Variants in TNRC6C observed in about 807,000 individuals in gnomAD.
TNRC6C encodes the protein trinucleotide repeat containing adaptor 6C, also known as trinucleotide repeat-containing gene 6C protein.
Under a neutral mutation model 153.7 loss-of-function variants are expected in TNRC6C, and 20 were observed. The observed-to-expected ratio is 0.13, with a 90% CI of 0.09 to 0.19. TNRC6C has a LOEUF of 0.19. TNRC6C is among the 10% of genes least tolerant of loss of function. TNRC6C has a pLI of 1.00. For missense variants in TNRC6C, 1,987 were observed against 2,172.0 expected, an observed-to-expected ratio of 0.91 and a Z score of 1.69; for synonymous variants, 811 against 841.4, an observed-to-expected ratio of 0.96 and a Z score of 0.63.
Position 78,061,961 on chromosome 17 carries a change from C to T in TNRC6C, c.2396-2761C>T, listed in dbSNP as rs1169297642. 2.6e-5 allele frequency among the ~76,000 whole-genome samples: 4 copies of T among 152,094 alleles called. No homozygotes were observed. In the East Asian group the frequency reaches 5.8e-4, roughly 22 times the overall value. On this transcript the variant is annotated intron_variant, in intron 3 of 19. Transcript: ENST00000301624. ...ATTGCCTTCTCAAAGAGATGGAGGT[C>T]TAGAGATGATAAACAAATTCTAGGT...
chr17:78,081,872 C>G (rs551546608), intron 10 of TNRC6C, among the ~76,000 whole-genome samples: 4 of 152,280 alleles, frequency 2.6e-5, no homozygotes, highest in Admixed American at 6.5e-5. Flanking sequence ...CCTGTGAGTA[C>G]TGATAGGAAG....
chr17:78,078,451 G>A (rs1253549914), intron 9 of TNRC6C, among the ~76,000 whole-genome samples: 2 of 152,140 alleles, frequency 1.3e-5, no homozygotes, highest in Non-Finnish European at 2.9e-5. Context: ...TCCATTTCAA[G>A]GTTTGTTGAA....
At chr17:78,100,614 T>A (rs2073573301) in intron 17 of TNRC6C, among the ~76,000 whole-genome samples, 1 of 152,172 alleles carries the variant, frequency 6.6e-6, no homozygotes, top group Admixed American at 6.5e-5. Context: ...TGTAGGCCTC[T>A]GGGCCTGTGA....
At chr17:78,018,963 T>C (rs1240641448) in intron 1 of TNRC6C, among the ~76,000 whole-genome samples, 3 of 152,208 alleles carry the variant, frequency 2.0e-5, no homozygotes, top group East Asian at 3.8e-4. Context: ...CAGGTGCTTA[T>C]GCTAGTGTTA....
chr17:78,065,074 C>A, intron 4 of TNRC6C, 137 bp downstream of exon 6: 2 of 989,866 alleles, frequency 2.0e-6, no homozygotes, highest in Non-Finnish European at 3.0e-6. Flanking sequence ...CTTGGCCAAG[C>A]ACAGTGCCTC....
chr17:78,031,936 C>G, intron 2 of TNRC6C, 94 bp downstream of exon 4: 1 of 1,103,730 alleles, frequency 9.1e-7, no homozygotes, highest in Non-Finnish European at 1.1e-6. Context: ...ATATTTTGGT[C>G]CATACTCACA....
chr17:78,046,772 C>CT (rs2072420418), intron 2 of TNRC6C, among the ~76,000 whole-genome samples: 1 of 152,172 alleles, frequency 6.6e-6, no homozygotes, highest in African/African-American at 2.4e-5. Context: ...AAGGGATCTA[C>CT]TTTCATTTCA....
chr17:77,981,665 A>G (rs2071079409), intron 1 of TNRC6C, among the ~76,000 whole-genome samples: 1 of 152,260 alleles, frequency 6.6e-6, no homozygotes, highest in African/African-American at 2.4e-5. Context: ...TGGTGAGAGA[A>G]TCACATCATA....
At chr17:77,984,093 T>A (rs1308428309) in intron 1 of TNRC6C, among the ~76,000 whole-genome samples, 1 of 152,128 alleles carries the variant, frequency 6.6e-6, no homozygotes, top group Non-Finnish European at 1.5e-5. Flanking sequence ...TTTATGTAAA[T>A]CCACATCCAT....
chr17:78,011,308 C>T (rs2071625455), intron 1 of TNRC6C, among the ~76,000 whole-genome samples: 1 of 152,168 alleles, frequency 6.6e-6, no homozygotes, highest in Non-Finnish European at 1.5e-5. Flanking sequence ...TGAAGGTGTC[C>T]TTGTGACCTT....
intron 1 of TNRC6C, among the ~76,000 whole-genome samples, chr17:77,971,321 A>G (rs1447063807): frequency 1.3e-5 from 2 of 152,230 alleles, no homozygotes; most frequent in African/African-American, 4.8e-5. Context: ...AATAGCTAAC[A>G]TGAAACCAGT....
upstream of TNRC6C, chr17:78,004,008 G>A (rs2071455227): frequency 1.5e-6 from 1 of 658,308 alleles, no homozygotes; most frequent in Non-Finnish European, 1.9e-6. Context: ...AGGGCAACCT[G>A]CAGTGCTGTT....
chr17:77,970,200 C>G (rs9893589), intron 1 of TNRC6C, among the ~76,000 whole-genome samples: 1,745 of 152,324 alleles, frequency 0.011, 39 homozygotes, highest in African/African-American at 0.039. Flanking sequence ...CATTATTTGG[C>G]TTTCCAGTTG....
At chr17:78,091,576 T>G in exon 14 of TNRC6C, 1 of 1,582,744 alleles carries the variant, frequency 6.3e-7, no homozygotes, top group South Asian at 1.2e-5. Context: ...CCAGTGCCGC[T>G]TCCCCCCTGG....
Position 78,018,129 on chromosome 17 carries a change from G to GT in TNRC6C, c.-546+13057dup, listed in dbSNP as rs370486959. Among the ~76,000 whole-genome samples, 648 of 152,046 alleles carry GT rather than the reference G, an allele frequency of 4.3e-3. 6 individuals carry two copies. The highest frequency in any genetic ancestry group is 0.014 in the African/African-American group (590 of 41,472). On this transcript the variant is annotated intron_variant, in intron 1 of 19. Coordinates refer to ENST00000301624, the Ensembl canonical transcript of TNRC6C. The stretch of plus-strand genomic sequence containing the variant: ...GTTTTTGGTTTTTGGTTTTTGTTTT[G>GT]TTTTTTTGGTTTTTTTGAGATGGAG...
intron 1 of TNRC6C, among the ~76,000 whole-genome samples, chr17:78,013,790 C>A (rs908148338): frequency 1.3e-5 from 2 of 152,110 alleles, no homozygotes; most frequent in African/African-American, 4.8e-5. Flanking sequence ...CTGTAAAGAG[C>A]CTGTGGCCGT....
chr17:78,049,123 A>G lies in TNRC6C; in HGVS notation c.61A>G (p.Asn21Asp). 8 of 1,592,496 alleles carry G rather than the reference A, an allele frequency of 5.0e-6. No homozygotes were observed. The highest frequency in any genetic ancestry group is 6.8e-6 in the Non-Finnish European group (8 of 1,168,988). Residue 21 changes from asparagine (N) to aspartate (D), a missense_variant, in exon 3 of 20, where the codon AAT becomes GAT. Coordinates refer to ENST00000301624, the Ensembl canonical transcript of TNRC6C. The surrounding 1 kb of genome is among the most constrained non-coding windows in gnomAD (Gnocchi z 4.1). ...ACATACCAAGAAGACAAATGGCAAT[A>G]ATGGCACCAATGGCGCACTCGTCCA...
At chr17:78,013,677 G>A (rs752045124) in intron 1 of TNRC6C, among the ~76,000 whole-genome samples, 11 of 152,148 alleles carry the variant, frequency 7.2e-5, no homozygotes, top group Non-Finnish European at 1.2e-4. Context: ...ATCAACAAAG[G>A]AGCCCAAACT....
chr17:77,960,442 AT>A (rs2070852370), intron 1 of TNRC6C, among the ~76,000 whole-genome samples: 1 of 152,150 alleles, frequency 6.6e-6, no homozygotes. Context: ...CCTGAATGTA[AT>A]TTGAGCCTGC....
Sources: gnomAD v4.1 joint callset for allele counts (sites outside exome capture counted in the v4.1 genomes callset) on GRCh38, gnomAD v4.1.1 for gene constraint, Gnocchi (gnomAD v3.1) non-coding constraint, MANE v1.5 for transcripts, NCBI Gene and HGNC (gene_info 2026-07-23, HGNC 2026-07-21) for gene names.